The following CERS6 variants were observed in gnomAD, a reference collection of about 807,000 sequenced individuals.
CERS6 encodes LAG1 homolog, ceramide synthase 6.
Under a neutral mutation model 56.8 loss-of-function variants are expected in CERS6, and 26 were observed. The ratio of observed to expected loss-of-function variants is 0.46; its 90% CI spans 0.34 to 0.63. The LOEUF (loss-of-function observed/expected upper bound fraction) is 0.63, where lower values mean the gene tolerates loss of function less well. Among genes scored for constraint, CERS6 ranks in the 30% least tolerant of loss-of-function variants. CERS6 has a pLI of 0.01. For synonymous variants in CERS6, 164 were observed against 173.3 expected, an observed-to-expected ratio of 0.95 and a Z score of 0.42; for missense variants, 415 against 467.5, an observed-to-expected ratio of 0.89 and a Z score of 1.04.
rs1693650540 is a variant in CERS6, at chr2:168,456,363, C to CA, written c.-85dup. On this transcript the variant is annotated 5_prime_UTR_variant, in exon 1 of 10. Coordinates refer to ENST00000305747, the MANE Select transcript of CERS6 (RefSeq NM_203463.3). The surrounding 1 kb of genome is among the most constrained non-coding windows in gnomAD (Gnocchi z 4.1). ...GGCGGCGGCGGCACAGGCTCGGGGC[C>CA]AGCCGGGCGCGCATCCCCGGGCGCC... 1.8e-6 allele frequency: 2 copies of CA among 1,108,734 alleles called. No homozygotes were observed. The highest frequency in any genetic ancestry group is 2.4e-6 in the Non-Finnish European group (2 of 837,298). 68.7% of individuals were successfully genotyped at this position (1,108,734 alleles called of 1,614,324 possible). A position where few individuals can be genotyped will look rare whatever the true frequency, so the allele number is the denominator to read the frequency against.
At chr2:168,645,262 C>T (rs1685170709) in intron 4 of CERS6, among the ~76,000 whole-genome samples, 1 of 148,112 alleles carries the variant, frequency 6.8e-6, no homozygotes, top group Admixed American at 6.8e-5. Context: ...CTCCATCCCA[C>T]CTTACCCAAG....
At chr2:168,490,827 G>T (rs1032526617) in intron 1 of CERS6, among the ~76,000 whole-genome samples, 1 of 151,740 alleles carries the variant, frequency 6.6e-6, no homozygotes, top group Non-Finnish European at 1.5e-5. Flanking sequence ...TCAAAGGAGA[G>T]AATATATGAT....
Position 168,604,377 on chromosome 2 carries a change from G to A in CERS6, c.408-26608G>A, listed in dbSNP as rs139207146. On this transcript the variant is annotated intron_variant, in intron 3 of 9. Coordinates refer to ENST00000305747, the MANE Select transcript of CERS6 (RefSeq NM_203463.3). ...TGTGTGACAGAGACAGATTGAAGTTGAGCAGTTGTATACGTGTGTGTGTGT... is the reference window on the plus strand; with the variant it reads ...TGTGTGACAGAGACAGATTGAAGTTAAGCAGTTGTATACGTGTGTGTGTGT... 4.0e-3 allele frequency among the ~76,000 whole-genome samples: 426 copies of A among 106,188 alleles called. 4 individuals are homozygous for A. Among genetic ancestry groups the A allele is most frequent in the African/African-American group, 0.014 (388 of 28,200 alleles). 69.7% of individuals were successfully genotyped at this position (106,188 alleles called of 152,430 possible). A position where few individuals can be genotyped will look rare whatever the true frequency, so the allele number is the denominator to read the frequency against.
intron 3 of CERS6, among the ~76,000 whole-genome samples, chr2:168,611,346 G>T (rs1012688227): frequency 6.6e-6 from 1 of 152,158 alleles, no homozygotes; most frequent in Non-Finnish European, 1.5e-5. Context: ...TACTCTGAGA[G>T]CCAAGTTTAA....
intron 4 of CERS6, among the ~76,000 whole-genome samples, chr2:168,676,760 A>G (rs1686070229): frequency 6.6e-6 from 1 of 152,228 alleles, no homozygotes; most frequent in Non-Finnish European, 1.5e-5. Flanking sequence ...TTTTTGCCCC[A>G]GAAGTGCTGC....
intron 8 of CERS6, among the ~76,000 whole-genome samples, chr2:168,756,666 A>T (rs987583850): frequency 1.3e-5 from 2 of 152,178 alleles, no homozygotes; most frequent in African/African-American, 2.4e-5. Context: ...CTGAACAGAG[A>T]TATTGATGTG....
chr2:168,568,827 G>A (rs939324063), intron 3 of CERS6, among the ~76,000 whole-genome samples: 4 of 152,134 alleles, frequency 2.6e-5, no homozygotes, highest in African/African-American at 9.7e-5. Flanking sequence ...ATGCAAAATC[G>A]CACAACAAAA....
intron 3 of CERS6, among the ~76,000 whole-genome samples, chr2:168,566,446 CTG>C (rs751053569): frequency 3.9e-5 from 6 of 152,148 alleles, no homozygotes; most frequent in Non-Finnish European, 5.9e-5. Flanking sequence ...CCTTTCGAAA[CTG>C]TGATTATTTC....
At position 168,733,622 on chromosome 2, in the gene CERS6, A is replaced by G. The variant is rs183918704; in HGVS notation, c.845+15644A>G. 3.9e-5 allele frequency among the ~76,000 whole-genome samples: 6 copies of G among 152,364 alleles called. No individual in the cohort carries two copies. In the East Asian group the frequency reaches 9.6e-4, roughly 24 times the overall value. On this transcript the variant is annotated intron_variant, in intron 8 of 9. Transcript: ENST00000305747. ...TCATTTAACCAAATGCGTATCTTAC[A>G]GTAGACGAGTATATAAAGTTAAGAG... is the stretch of plus-strand genomic sequence containing the variant.
In CERS6 at chr2:168,771,328, C is replaced by T. The variant is rs989568245; in HGVS notation, c.*1666C>T. 22 of 152,090 alleles carry T rather than the reference C, an allele frequency of 1.4e-4. No homozygotes were observed. Among genetic ancestry groups the T allele is most frequent in the South Asian group, 4.1e-4 (2 of 4,822 alleles). 9.4% of individuals were successfully genotyped at this position (152,090 alleles called of 1,614,324 possible). On this transcript the variant is annotated 3_prime_UTR_variant, in exon 10 of 10. Transcript: ENST00000305747. ...ATGTTCCCAACCAAAAAATTCTTAC[C>T]GTAATATTATATCTTGCCCTACTTA... is the stretch of plus-strand genomic sequence containing the variant.
intron 8 of CERS6, among the ~76,000 whole-genome samples, chr2:168,761,332 AATGCCATG>A (rs147195816): frequency 0.038 from 5,812 of 152,268 alleles, 153 homozygotes; most frequent in African/African-American, 0.072. Context: ...AATTAATGTG[AATGCCATG>A]TCGCCAACGA....
intron 1 of CERS6, among the ~76,000 whole-genome samples, chr2:168,487,911 G>A (rs1305515676): frequency 6.6e-6 from 1 of 151,996 alleles, no homozygotes; most frequent in Non-Finnish European, 1.5e-5. Flanking sequence ...GTAGAGACAG[G>A]GTGTTGCCAT....
chr2:168,693,665 C>T (rs758657184), intron 5 of CERS6, among the ~76,000 whole-genome samples: 18 of 152,234 alleles, frequency 1.2e-4, no homozygotes, highest in Non-Finnish European at 1.5e-5. Flanking sequence ...CAGGCTGCTA[C>T]AAGAGAATAC....
chr2:168,460,262 A>G (rs550896499), intron 1 of CERS6, among the ~76,000 whole-genome samples: 1 of 151,138 alleles, frequency 6.6e-6, no homozygotes, highest in East Asian at 1.9e-4. Flanking sequence ...TGGCATGATC[A>G]TGGCTCACTG....
chr2:168,671,533 T>G (rs1173302246), intron 4 of CERS6, among the ~76,000 whole-genome samples: 1 of 152,190 alleles, frequency 6.6e-6, no homozygotes, highest in Non-Finnish European at 1.5e-5. Context: ...TCCTCTTAGT[T>G]TTTCCAGGCA....
chr2:168,592,157 C>T (rs1287206346), intron 3 of CERS6, among the ~76,000 whole-genome samples: 1 of 152,144 alleles, frequency 6.6e-6, no homozygotes, highest in African/African-American at 2.4e-5. Context: ...TTACCAAAAG[C>T]CATAGGGCTT....
intron 1 of CERS6, among the ~76,000 whole-genome samples, chr2:168,481,413 CA>C (rs1048027054): frequency 6.7e-6 from 1 of 149,010 alleles, no homozygotes; most frequent in Non-Finnish European, 1.5e-5. Flanking sequence ...GACTCCGTCT[CA>C]AAAAAAAACG....
At chr2:168,544,576 G>C (rs1334576371) in intron 1 of CERS6, among the ~76,000 whole-genome samples, 1 of 152,164 alleles carries the variant, frequency 6.6e-6, no homozygotes, top group Non-Finnish European at 1.5e-5. Context: ...TCATTGGGTT[G>C]GATAGGGGAG....
chr2:168,456,409 C>A lies in CERS6; in HGVS notation c.-40C>A. The A allele has an allele frequency of 2.0e-6, 3 of 1,527,588 alleles. No individual in the cohort carries two copies. The highest frequency in any genetic ancestry group is 2.7e-6 in the Non-Finnish European group (3 of 1,129,998). 94.6% of individuals were successfully genotyped at this position (1,527,588 alleles called of 1,614,324 possible). A position where few individuals can be genotyped will look rare whatever the true frequency, so the allele number is the denominator to read the frequency against. ...GCGCCCTGCGCGGTGGAGAGCTTGG[C>A]GGGCTGCGGGTGCCGCAGGACAGGA... On this transcript the variant is annotated 5_prime_UTR_variant, in exon 1 of 10. Coordinates refer to ENST00000305747, the MANE Select transcript of CERS6 (RefSeq NM_203463.3). The surrounding 1 kb of genome is among the most constrained non-coding windows in gnomAD (Gnocchi z 4.1).
Sources: gnomAD v4.1 joint callset for allele counts (sites outside exome capture counted in the v4.1 genomes callset) on GRCh38, gnomAD v4.1.1 for gene constraint, Gnocchi (gnomAD v3.1) non-coding constraint, MANE v1.5 for transcripts, NCBI Gene and HGNC (gene_info 2026-07-23, HGNC 2026-07-21) for gene names.